Variants in PCDHGB2 observed in about 807,000 individuals in gnomAD.
The protein encoded by PCDHGB2 is protocadherin gamma subfamily B, 2.
PCDHGB2 carries 55 observed loss-of-function variants against 59.3 expected under a neutral mutation model. That is an observed-to-expected ratio of 0.93 (90% CI 0.75 to 1.16). The LOEUF is 1.16. Among genes scored for constraint, PCDHGB2 ranks in the 50% most tolerant of loss-of-function variants. The pLI, the probability that PCDHGB2 is intolerant of heterozygous loss-of-function variation, is 0.00. For synonymous variants in PCDHGB2, 516 were observed against 512.0 expected (o/e 1.01, Z -0.11); for missense variants, 1,228 against 1,198.5 (o/e 1.02, Z -0.36).
chr5:141,511,276 T>A lies in PCDHGB2; in HGVS notation c.*103T>A. ...AGAGTTTCAGGGCTAACCCCCAGAA[T>A]ACTGGTAGGGGCCAAGGCCATGCTC... On this transcript the variant is annotated 3_prime_UTR_variant, in exon 4 of 4. Coordinates refer to ENST00000522605, the MANE Select transcript of PCDHGB2 (RefSeq NM_018923.3). 6.5e-7 allele frequency: 1 copy of A among 1,538,086 alleles called. No homozygotes were observed. Among genetic ancestry groups the A allele is most frequent in the Non-Finnish European group, 8.8e-7 (1 of 1,140,722 alleles).
Position 141,360,642 on chromosome 5 carries a change from A to T in PCDHGB2, c.507A>T (p.Arg169Ser), listed in dbSNP as rs1268181436. The change falls in exon 1 of 4, where the codon AGA becomes AGT. Residue 169 changes from arginine (R) to serine (S), a missense_variant. Arg to Ser is a moderately radical substitution (Grantham distance 110, BLOSUM62 -1). Around this residue, in one of 3 missense-constraint regions of PCDHGB2, gnomAD observed 781 missense variants for 721.6 expected, o/e 1.08. Coordinates refer to ENST00000522605, the MANE Select transcript of PCDHGB2 (RefSeq NM_018923.3). ...ATGTTGGTCCTAACTCACTACAAAG[A>T]TACCACCTTAATGACAACGAGTACT... is the stretch of plus-strand genomic sequence containing the variant. ...DSDVGPNSLQ[R>S]YHLNDNEYFD... The T allele has an allele frequency of 1.2e-6, 2 of 1,613,916 alleles. No individual in the cohort carries two copies. Among genetic ancestry groups the T allele is most frequent in the Admixed American group, 3.3e-5 (2 of 60,004 alleles).
chr5:141,396,725 T>A (rs1432052825), intron 1 of PCDHGB2: 2 of 152,198 alleles, frequency 1.3e-5, no homozygotes, highest in East Asian at 3.8e-4. Flanking sequence ...AATACCTGAA[T>A]TGATTGTTGT....
At chr5:141,369,768 A>T (rs548016343) in intron 1 of PCDHGB2, among the ~76,000 whole-genome samples, 1 of 152,252 alleles carries the variant, frequency 6.6e-6, no homozygotes, top group Non-Finnish European at 1.5e-5. Context: ...CGTGAAGCTG[A>T]TATTTCAAGC....
Position 141,477,289 on chromosome 5 carries a change from T to G in PCDHGB2, c.2422-17518T>G, listed in dbSNP as rs759477848. On this transcript the variant is annotated intron_variant, in intron 1 of 3. Coordinates refer to ENST00000522605, the MANE Select transcript of PCDHGB2 (RefSeq NM_018923.3). The surrounding 1 kb of genome is among the most constrained non-coding windows in gnomAD (Gnocchi z 4.9). ...AGAACGGGCTGGTGACCTGCGAAGT[T>G]CCACCGGGTCTCCCTTTCAGCCTTA... The G allele has an allele frequency of 3.2e-5, 52 of 1,614,046 alleles. No individual in the cohort carries two copies. Among genetic ancestry groups the G allele is most frequent in the Non-Finnish European group, 4.2e-5 (50 of 1,180,040 alleles).
chr5:141,388,985 C>T, intron 1 of PCDHGB2: 1 of 1,613,958 alleles, frequency 6.2e-7, no homozygotes, highest in South Asian at 1.1e-5. Flanking sequence ...TTGCTTTGCT[C>T]AAAGTCCGTG....
At chr5:141,370,410 G>A in intron 1 of PCDHGB2, 1 of 1,565,394 alleles carries the variant, frequency 6.4e-7, no homozygotes. Flanking sequence ...AAATAGCTCC[G>A]GATGGAGGGG....
chr5:141,500,433 T>C (rs1398344932), intron 2 of PCDHGB2, among the ~76,000 whole-genome samples: 1 of 151,764 alleles, frequency 6.6e-6, no homozygotes, highest in East Asian at 1.9e-4. Context: ...ATGGTCTCGA[T>C]CTCCTGACCT....
At chr5:141,453,420 C>A (rs2098764964) in intron 1 of PCDHGB2, among the ~76,000 whole-genome samples, 1 of 152,054 alleles carries the variant, frequency 6.6e-6, no homozygotes, top group African/African-American at 2.4e-5. Context: ...GCATAAGCCA[C>A]CACACCTAGC....
chr5:141,486,728 G>T lies in PCDHGB2; in HGVS notation c.2422-8079G>T. On this transcript the variant is annotated intron_variant, in intron 1 of 3. Coordinates refer to ENST00000522605, the MANE Select transcript of PCDHGB2 (RefSeq NM_018923.3). This position sits in a 1 kb window ranked among gnomAD's most constrained non-coding sequence, Gnocchi z 5.0. Reference sequence around the variant, plus strand: ...GAACCCCCAGACAGGAGCTGTTCATGCTACTCGATCCTTTGACTATGAGCA... The same window carrying T: ...GAACCCCCAGACAGGAGCTGTTCATTCTACTCGATCCTTTGACTATGAGCA... The T allele has an allele frequency of 6.2e-7, 1 of 1,614,200 alleles. No individual in the cohort carries two copies. The highest frequency in any genetic ancestry group is 8.5e-7 in the Non-Finnish European group (1 of 1,180,052).
intron 1 of PCDHGB2, among the ~76,000 whole-genome samples, chr5:141,463,377 G>T (rs1161419035): frequency 2.7e-5 from 4 of 147,358 alleles, no homozygotes; most frequent in Non-Finnish European, 3.0e-5. Flanking sequence ...CCCACAGTCT[G>T]AAAGTTGTCT....
chr5:141,511,041 C>T lies in PCDHGB2; in HGVS notation c.2664C>T (p.Pro888=), dbSNP rs1421629777. 1.5e-5 allele frequency: 24 copies of T among 1,614,076 alleles called. No individual in the cohort carries two copies. The highest frequency in any genetic ancestry group is 5.5e-5 in the South Asian group (5 of 91,092). Residue 888 remains proline, a synonymous_variant, in exon 4 of 4, where the codon CCC becomes CCT. Transcript: ENST00000522605. The part of the protein sequence containing the change: ...YGPQFTLQHV[P]DYRQNVYIPG... ...CCCAGTTCACCCTGCAGCACGTGCCCGACTACCGCCAGAATGTCTACATCC... is the reference window on the plus strand; with the variant it reads ...CCCAGTTCACCCTGCAGCACGTGCCTGACTACCGCCAGAATGTCTACATCC...
chr5:141,426,276 C>A, intron 1 of PCDHGB2: 1 of 164,340 alleles, frequency 6.1e-6, no homozygotes, highest in South Asian at 1.6e-4. Context: ...TGCAGCAACG[C>A]ATGGGAAGGA....
At chr5:141,379,014 T>G (rs1440666109) in intron 1 of PCDHGB2, 1 of 152,222 alleles carries the variant, frequency 6.6e-6, no homozygotes, top group East Asian at 1.9e-4. Flanking sequence ...TCTCCAGTCA[T>G]GAGTTGGAAG....
At position 141,440,639 on chromosome 5, in the gene PCDHGB2, T is replaced by C. The variant is rs2098191350; in HGVS notation, c.2422-54168T>C. On this transcript the variant is annotated intron_variant, in intron 1 of 3. Coordinates refer to ENST00000522605, the MANE Select transcript of PCDHGB2 (RefSeq NM_018923.3). ...GATCCTGATGTTGAGAGAAATTCCT[T>C]ACAAAATTATCACCTTAGCAGCAAC... 2 of 152,192 alleles carry C rather than the reference T, an allele frequency of 1.3e-5. 1 individual carries two copies. The highest frequency in any genetic ancestry group is 4.8e-5 in the African/African-American group (2 of 41,440). The allele number at this position is 152,192 out of a possible 1,614,324, so 9.4% of individuals were successfully genotyped here.
intron 1 of PCDHGB2, chr5:141,372,294 G>C (rs536487253): frequency 6.2e-7 from 1 of 1,613,280 alleles, no homozygotes; most frequent in Non-Finnish European, 8.5e-7. Flanking sequence ...TACCTTGGGC[G>C]ACAGGGAGGC....
chr5:141,399,656 T>C, intron 1 of PCDHGB2: 1 of 1,613,694 alleles, frequency 6.2e-7, no homozygotes, highest in Non-Finnish European at 8.5e-7. Context: ...AGTGGGGTGG[T>C]GTTCGCGCAG....
Position 141,387,890 on chromosome 5 carries a change from G to A in PCDHGB2, c.2421+25334G>A, listed in dbSNP as rs541321171. On this transcript the variant is annotated intron_variant, in intron 1 of 3. Coordinates refer to ENST00000522605, the MANE Select transcript of PCDHGB2 (RefSeq NM_018923.3). ...AGCTGAGGAGAGCAAGAGGGATGGG[G>A]AGCGGCGCCGGGGAGCTGGGCCGGG... The A allele has an allele frequency of 1.9e-6, 3 of 1,554,976 alleles. No homozygotes were observed. The South Asian group carries it at 3.7e-5, about 19-fold the overall frequency.
intron 1 of PCDHGB2, chr5:141,478,812 A>C: frequency 1.4e-6 from 2 of 1,453,554 alleles, no homozygotes; most frequent in Non-Finnish European, 1.8e-6. Context: ...TTGCTATCAC[A>C]ACTAACCAAT....
At position 141,431,784 on chromosome 5, in the gene PCDHGB2, A is replaced by G; in HGVS notation, c.2422-63023A>G. On this transcript the variant is annotated intron_variant, in intron 1 of 3. Coordinates refer to ENST00000522605, the MANE Select transcript of PCDHGB2 (RefSeq NM_018923.3). The surrounding 1 kb of genome is among the most constrained non-coding windows in gnomAD (Gnocchi z 4.8). ...CTGATCACTGTTCTGGACGTGAACG[A>G]CAATGCCCCAGAAGTGGTCCTCACC... 1 of 1,614,220 alleles carries G rather than the reference A, an allele frequency of 6.2e-7. No individual in the cohort carries two copies. Among genetic ancestry groups the G allele is most frequent in the Non-Finnish European group, 8.5e-7 (1 of 1,180,022 alleles).
Sources: allele counts gnomAD v4.1 joint callset (sites outside exome capture counted in the v4.1 genomes callset), GRCh38; gene constraint gnomAD v4.1.1; regional missense constraint gnomAD v4.1.1; non-coding constraint Gnocchi (gnomAD v3.1); transcripts MANE v1.5; gene names NCBI Gene and HGNC (gene_info 2026-07-23, HGNC 2026-07-21).